Variants in ERBIN observed in about 807,000 individuals in gnomAD.
ERBIN encodes the protein erbb2 interacting protein.
Under a neutral mutation model 158.4 loss-of-function variants are expected in ERBIN, and 60 were observed. The ratio of observed to expected loss-of-function variants is 0.38; its 90% CI spans 0.31 to 0.47. The LOEUF is 0.47. ERBIN is among the 20% of genes least tolerant of loss of function. The pLI is 0.99. For missense variants in ERBIN, 1,610 were observed against 1,648.0 expected (o/e 0.98, Z 0.40); for synonymous variants, 594 against 557.2 (o/e 1.07, Z -0.93).
intron 4 of ERBIN, among the ~76,000 whole-genome samples, chr5:66,005,467 T>G (rs1176763091): frequency 6.6e-6 from 1 of 152,124 alleles, no homozygotes; most frequent in Non-Finnish European, 1.5e-5. Context: ...GTTGTCACCA[T>G]ATGGATATTT....
At chr5:66,059,967 A>G (rs921758572) in intron 21 of ERBIN, among the ~76,000 whole-genome samples, 2 of 152,160 alleles carry the variant, frequency 1.3e-5, no homozygotes, top group Non-Finnish European at 2.9e-5. Flanking sequence ...TTTTTGCATC[A>G]ATGTTCATCA....
intron 14 of ERBIN, among the ~76,000 whole-genome samples, chr5:66,032,244 G>T (rs1756964054): frequency 6.6e-6 from 1 of 152,146 alleles, no homozygotes; most frequent in African/African-American, 2.4e-5. Context: ...TATATCTCAA[G>T]GATGGCAAAT....
At chr5:66,041,191 A>G (rs982485243) in intron 15 of ERBIN, among the ~76,000 whole-genome samples, 1 of 152,016 alleles carries the variant, frequency 6.6e-6, no homozygotes, top group Non-Finnish European at 1.5e-5. Context: ...GGAGCAAAAG[A>G]AAGGTAGTTA....
chr5:65,941,034 C>G (rs985537963), intron 1 of ERBIN, among the ~76,000 whole-genome samples: 1 of 152,152 alleles, frequency 6.6e-6, no homozygotes, highest in Non-Finnish European at 1.5e-5. Context: ...CCTGTGCTCT[C>G]TGAAACATGT....
chr5:65,998,421 C>G (rs1360606641), intron 4 of ERBIN, among the ~76,000 whole-genome samples: 3 of 151,766 alleles, frequency 2.0e-5, no homozygotes, highest in African/African-American at 7.3e-5. Flanking sequence ...TAGTGCCGTA[C>G]TGACGTTCAG....
In ERBIN at chr5:66,054,062, C is replaced by G. The variant is rs1759330253; in HGVS notation, c.2744C>G (p.Ser915Cys). 3.7e-6 allele frequency: 6 copies of G among 1,614,174 alleles called. No homozygotes were observed. Among genetic ancestry groups the G allele is most frequent in the Non-Finnish European group, 5.1e-6 (6 of 1,180,018 alleles). ...VDGKNIVRSK[S>C]ATLLYDQPLQ... is the part of the protein sequence containing the mutation. Reference sequence around the variant, plus strand: ...GGAAAAAATATAGTCAGGAGCAAGTCTGCCACACTGTTGTATGATCAACCA... The same window carrying G: ...GGAAAAAATATAGTCAGGAGCAAGTGTGCCACACTGTTGTATGATCAACCA... The change falls in exon 21 of 26, where the codon TCT becomes TGT. Residue 915 changes from serine (S) to cysteine (C), a missense_variant. Transcript: ENST00000284037.
chr5:65,957,425 C>G (rs537670536), intron 1 of ERBIN, among the ~76,000 whole-genome samples: 150 of 152,156 alleles, frequency 9.9e-4, no homozygotes, highest in African/African-American at 2.7e-3. Flanking sequence ...TGACTCTTAA[C>G]GAGCATGCTG....
intron 4 of ERBIN, among the ~76,000 whole-genome samples, chr5:65,998,938 CAT>C (rs1378775198): frequency 2.2e-4 from 31 of 141,268 alleles, no homozygotes; most frequent in African/African-American, 4.2e-4. Context: ...AAATAAGAAA[CAT>C]GTGTAAAAGG....
chr5:66,018,460 T>A lies in ERBIN; in HGVS notation c.534-2862T>A, dbSNP rs1271868777. Among the ~76,000 whole-genome samples the A allele has an allele frequency of 9.3e-3, 60 of 6,446 alleles. 1 individual carries two copies. Among genetic ancestry groups the A allele is most frequent in the Non-Finnish European group, 0.013 (40 of 3,188 alleles). 4.2% of individuals were successfully genotyped at this position (6,446 alleles called of 152,430 possible). ...ATATATAATATAATATATATTATATTATATAATATATATTATATATTATAT... is the reference window on the plus strand; with the variant it reads ...ATATATAATATAATATATATTATATAATATAATATATATTATATATTATAT... On this transcript the variant is annotated intron_variant, in intron 7 of 25. Coordinates refer to ENST00000284037, the MANE Select transcript of ERBIN (RefSeq NM_001253697.2).
intron 1 of ERBIN, among the ~76,000 whole-genome samples, chr5:65,940,803 C>T (rs1266451992): frequency 2.0e-5 from 3 of 152,042 alleles, no homozygotes; most frequent in Admixed American, 6.5e-5. Context: ...GCCACCACCC[C>T]GTCTGGGAAG....
intron 1 of ERBIN, among the ~76,000 whole-genome samples, chr5:65,939,533 C>T (rs1744529581): frequency 7.2e-6 from 1 of 138,980 alleles, no homozygotes; most frequent in Non-Finnish European, 1.5e-5. Flanking sequence ...TTTCCCTCTC[C>T]CCCCTCTCCC....
At chr5:66,057,387 C>G (rs1759705978) in intron 21 of ERBIN, among the ~76,000 whole-genome samples, 1 of 152,072 alleles carries the variant, frequency 6.6e-6, no homozygotes, top group Non-Finnish European at 1.5e-5. Context: ...TCATCATCAC[C>G]ATCTTTTAAA....
intron 4 of ERBIN, among the ~76,000 whole-genome samples, chr5:66,000,080 G>A: frequency 6.6e-6 from 1 of 152,138 alleles, no homozygotes. Flanking sequence ...TCCTAAAGGA[G>A]TATCTTTCTG....
At chr5:65,958,868 TGTAAG>T (rs1384550699) in intron 1 of ERBIN, among the ~76,000 whole-genome samples, 1 of 152,160 alleles carries the variant, frequency 6.6e-6, no homozygotes, top group Non-Finnish European at 1.5e-5. Flanking sequence ...TGCAGGGTAA[TGTAAG>T]TGTTCTGAGC....
At chr5:66,009,632 G>T (rs1002120086) in intron 4 of ERBIN, among the ~76,000 whole-genome samples, 1 of 152,124 alleles carries the variant, frequency 6.6e-6, no homozygotes, top group Non-Finnish European at 1.5e-5. Context: ...GGTTTTGCTG[G>T]GAGGAAGAGC....
At chr5:66,012,323 A>G (rs1754291943) in intron 5 of ERBIN, among the ~76,000 whole-genome samples, 196 bp downstream of exon 5, 3 of 152,196 alleles carry the variant, frequency 2.0e-5, no homozygotes, top group Admixed American at 2.0e-4. Context: ...TTGTGATCCC[A>G]AAGAGATAGT....
Position 66,021,906 on chromosome 5 carries a change from G to A in ERBIN, c.597+521G>A, listed in dbSNP as rs573200278. On this transcript the variant is annotated intron_variant, in intron 8 of 25. Transcript: ENST00000284037. ...TATGAAGCTGACTCTAAAAGGAAAG[G>A]AGTAGTGTTTAAGTAGCTTTTGTCT... Among the ~76,000 whole-genome samples, 4 of 152,128 alleles carry A rather than the reference G, an allele frequency of 2.6e-5. No individual in the cohort carries two copies. The South Asian group carries it at 8.3e-4, about 32-fold the overall frequency.
Position 66,054,917 on chromosome 5 carries a change from T to C in ERBIN, c.3599T>C (p.Val1200Ala). The C allele has an allele frequency of 6.3e-7, 1 of 1,595,966 alleles. No individual in the cohort carries two copies. Among genetic ancestry groups the C allele is most frequent in the Non-Finnish European group, 8.5e-7 (1 of 1,170,410 alleles). ...GTTCCTCGTGACTGGAGAGAACAAG[T>C]ACTTCGACATATTGAAGCCAAAAAG... ...SKVPRDWREQ[V>A]LRHIEAKKLE... Residue 1200 changes from valine (V) to alanine (A), a missense_variant, in exon 21 of 26, where the codon GTA (valine) becomes GCA (alanine). Physicochemically the swap from Val to Ala is moderately conservative, Grantham distance 64. This residue lies in a region of ERBIN where 1,014 missense variants were observed against 936.1 expected (regional missense o/e 1.08). Coordinates refer to ENST00000284037, the MANE Select transcript of ERBIN (RefSeq NM_001253697.2).
chr5:66,059,693 C>G (rs1409969321), intron 21 of ERBIN, among the ~76,000 whole-genome samples: 1 of 152,018 alleles, frequency 6.6e-6, no homozygotes, highest in East Asian at 1.9e-4. Context: ...ACAGCTCTTA[C>G]TATTTTGAGA....
Sources: gnomAD v4.1 joint callset for allele counts (sites outside exome capture counted in the v4.1 genomes callset) on GRCh38, gnomAD v4.1.1 for gene constraint, gnomAD v4.1.1 regional missense constraint, MANE v1.5 for transcripts, NCBI Gene and HGNC (gene_info 2026-07-23, HGNC 2026-07-21) for gene names.